CPA6: variants seen among roughly 807,000 people sequenced by gnomAD.
The protein encoded by CPA6 is carboxypeptidase B.
A neutral mutation model predicts 63.3 loss-of-function variants in CPA6; 58 were observed. That is an observed-to-expected ratio of 0.92 (90% CI 0.74 to 1.14). The LOEUF is 1.14. CPA6 is among the 50% of genes most tolerant of loss of function. The probability of loss-of-function intolerance (pLI) is 0.00; values close to 1 mark genes in which losing one functional copy is unlikely to be tolerated. For missense variants in CPA6, 565 were observed against 526.6 expected (o/e 1.07, Z -0.71); for synonymous variants, 185 against 179.0 (o/e 1.03, Z -0.27).
chr8:67,422,800 C>G (rs1028180155), intron 10 of CPA6, 109 bp from the exon 11 acceptor site: 2 of 765,792 alleles, frequency 2.6e-6, no homozygotes, highest in African/African-American at 3.5e-5. Context: ...CTAAATCCTT[C>G]CAATTAAATG....
intron 1 of CPA6, among the ~76,000 whole-genome samples, chr8:67,651,524 T>A (rs949759572): frequency 6.6e-6 from 1 of 152,114 alleles, no homozygotes; most frequent in Non-Finnish European, 1.5e-5. Flanking sequence ...TAGGGCTTCA[T>A]GATTTTTTGT....
At chr8:67,477,857 A>G (rs1374108815) in intron 8 of CPA6, among the ~76,000 whole-genome samples, 1 of 152,232 alleles carries the variant, frequency 6.6e-6, no homozygotes, top group East Asian at 1.9e-4. Flanking sequence ...TTGAAGCCAG[A>G]CTCAGCACTT....
intron 8 of CPA6, among the ~76,000 whole-genome samples, chr8:67,483,087 C>T (rs1811392858): frequency 6.6e-6 from 1 of 152,162 alleles, no homozygotes; most frequent in Non-Finnish European, 1.5e-5. Context: ...TACAGAAAGA[C>T]TCAATACAAA....
intron 2 of CPA6, among the ~76,000 whole-genome samples, chr8:67,590,551 G>A (rs1814091033): frequency 6.6e-6 from 1 of 151,696 alleles, no homozygotes; most frequent in Non-Finnish European, 1.5e-5. Context: ...TCCAGCACCT[G>A]TTGTTTCCTG....
At chr8:67,632,148 CTGTGTGTGTGTGTGTGTG>C (rs35463897) in intron 1 of CPA6, among the ~76,000 whole-genome samples, 5 of 147,744 alleles carry the variant, frequency 3.4e-5, no homozygotes, top group Non-Finnish European at 7.5e-5. Context: ...AAAAATGATG[CTGTGTGTGTGTGTGTGTG>C]TGTGTGTGTG....
chr8:67,460,150 C>T (rs1227076456), intron 8 of CPA6, among the ~76,000 whole-genome samples: 1 of 152,184 alleles, frequency 6.6e-6, no homozygotes, highest in Non-Finnish European at 1.5e-5. Flanking sequence ...GCTGGCTTGT[C>T]AACCTCACTA....
At chr8:67,694,317 A>C (rs542383622) in intron 1 of CPA6, among the ~76,000 whole-genome samples, 1 of 152,356 alleles carries the variant, frequency 6.6e-6, no homozygotes, top group African/African-American at 2.4e-5. Context: ...TTTTAGAGAA[A>C]GGCCTTGCCA....
intron 2 of CPA6, among the ~76,000 whole-genome samples, chr8:67,547,028 G>A (rs1812831734): frequency 6.6e-6 from 1 of 152,024 alleles, no homozygotes; most frequent in Admixed American, 6.6e-5. Flanking sequence ...TGATGCTGAA[G>A]GCCAAGTTTA....
intron 1 of CPA6, among the ~76,000 whole-genome samples, chr8:67,745,289 G>A (rs751815411): frequency 1.3e-5 from 2 of 152,206 alleles, no homozygotes; most frequent in Non-Finnish European, 2.9e-5. Flanking sequence ...CCCTGCATAT[G>A]TGAGCAAATC....
chr8:67,525,888 G>T (rs192285001), intron 2 of CPA6, among the ~76,000 whole-genome samples: 87 of 152,282 alleles, frequency 5.7e-4, no homozygotes, highest in Non-Finnish European at 8.1e-4. Flanking sequence ...GGGGTGGTGG[G>T]GTGAGGCATG....
chr8:67,652,997 A>G (rs1432060622), intron 1 of CPA6, among the ~76,000 whole-genome samples: 1 of 152,120 alleles, frequency 6.6e-6, no homozygotes, highest in Non-Finnish European at 1.5e-5. Flanking sequence ...TAAATAAGGA[A>G]TCCTTTCCCC....
intron 6 of CPA6, among the ~76,000 whole-genome samples, chr8:67,494,198 C>T (rs35127115): frequency 0.11 from 16,844 of 151,874 alleles, 1,107 homozygotes; most frequent in Middle Eastern, 0.24. Context: ...TTATATTGTC[C>T]ATGCTGGTTT....
intron 3 of CPA6, among the ~76,000 whole-genome samples, chr8:67,516,080 A>G (rs547093835): frequency 6.6e-6 from 1 of 152,154 alleles, no homozygotes; most frequent in Admixed American, 6.5e-5. Flanking sequence ...TGACCTTTCC[A>G]TGGTTCTATC....
At position 67,746,075 on chromosome 8, in the gene CPA6, AG is replaced by A. The variant is rs778807405; in HGVS notation, c.54del (p.Trp19GlyfsTer4). ...RGQAAAFLPL[C>X]WLFLKILQPG... ...GGTTGCAGAATCTTCAAAAAGAGCC[AG>A]CAAAGAGGCAGGAAAGCAGCTGCCT... On this transcript the variant is annotated frameshift_variant, in exon 1 of 11. Coordinates refer to ENST00000297770, the MANE Select transcript of CPA6 (RefSeq NM_020361.5). LOFTEE classifies it high-confidence loss of function. 48 of 1,614,028 alleles carry A rather than the reference AG, an allele frequency of 3.0e-5. No individual in the cohort carries two copies. In the East Asian group the frequency reaches 9.8e-4, roughly 33 times the overall value.
At chr8:67,629,623 G>A (rs539910780) in intron 1 of CPA6, among the ~76,000 whole-genome samples, 8 of 152,222 alleles carry the variant, frequency 5.3e-5, no homozygotes, top group South Asian at 2.1e-4. Context: ...GATGGATAGC[G>A]GTTGTTGCAG....
At chr8:67,588,005 A>G (rs1344711293) in intron 2 of CPA6, among the ~76,000 whole-genome samples, 1 of 152,180 alleles carries the variant, frequency 6.6e-6, no homozygotes, top group Admixed American at 6.5e-5. Context: ...TAAGTGGTAC[A>G]GGTGTGCTTG....
rs570116742 is a variant in CPA6, at chr8:67,631,000, C to T, written c.117-6749G>A. Among the ~76,000 whole-genome samples the T allele has an allele frequency of 8.5e-5, 13 of 152,350 alleles. No homozygotes were observed. The East Asian group carries it at 2.3e-3, about 27-fold the overall frequency. ...GGACCTGCAGCCCGCCATGACTGAGCCCCGCTCCCCTACTCCTGCGTGGCC... is the reference window on the plus strand; with the variant it reads ...GGACCTGCAGCCCGCCATGACTGAGTCCCGCTCCCCTACTCCTGCGTGGCC... On this transcript the variant is annotated intron_variant, in intron 1 of 10. Coordinates refer to ENST00000297770, the MANE Select transcript of CPA6 (RefSeq NM_020361.5).
chr8:67,631,886 C>A (rs1446569836), intron 1 of CPA6, among the ~76,000 whole-genome samples: 1 of 152,130 alleles, frequency 6.6e-6, no homozygotes, highest in Non-Finnish European at 1.5e-5. Context: ...TCTGCAGCTT[C>A]ACTCCTGAAG....
rs149647026 is a variant in CPA6 at position 67,563,324 on chromosome 8, T to C, written c.193-45277A>G. Among the ~76,000 whole-genome samples, 171 of 152,354 alleles carry C rather than the reference T, an allele frequency of 1.1e-3. 1 individual carries two copies. The highest frequency in any genetic ancestry group is 3.8e-3 in the African/African-American group (160 of 41,588). The stretch of plus-strand genomic sequence containing the variant: ...ATTTGACTGATGGTTCTGCTTCTTA[T>C]GAGCTCTACCTTCCTGGGATTATCA... On this transcript the variant is annotated intron_variant, in intron 2 of 10. Coordinates refer to ENST00000297770, the MANE Select transcript of CPA6 (RefSeq NM_020361.5).
Sources: gnomAD v4.1 joint callset for allele counts (sites outside exome capture counted in the v4.1 genomes callset) on GRCh38, gnomAD v4.1.1 for gene constraint, MANE v1.5 for transcripts, NCBI Gene and HGNC (gene_info 2026-07-23, HGNC 2026-07-21) for gene names.